Variants in UTRN observed in about 807,000 individuals in gnomAD.
The protein encoded by UTRN is dystrophin-related protein 1.
UTRN carries 283 observed loss-of-function variants against 463.9 expected under a neutral mutation model. The ratio of observed to expected loss-of-function variants is 0.61; its 90% CI spans 0.55 to 0.67. The LOEUF (loss-of-function observed/expected upper bound fraction) is 0.67, where lower values mean the gene tolerates loss of function less well. Ranked by LOEUF, UTRN falls within the 30% of genes least tolerant of loss-of-function variation. UTRN has a pLI of 0.00. For synonymous variants in UTRN, 1,442 were observed against 1,431.5 expected, an observed-to-expected ratio of 1.01 and a Z score of -0.17; for missense variants, 3,922 against 4,084.3, an observed-to-expected ratio of 0.96 and a Z score of 1.08.
chr6:144,357,035 G>A lies in UTRN; in HGVS notation c.80-46088G>A, dbSNP rs563832482. The stretch of plus-strand genomic sequence containing the variant: ...GGAGACCCATAGCCTGTTGTAGGAA[G>A]AAATGTAAGTTCTATTTTTGAGGGA... On this transcript the variant is annotated intron_variant, in intron 2 of 74. Coordinates refer to ENST00000367545, the MANE Select transcript of UTRN (RefSeq NM_007124.3). 1.1e-4 allele frequency among the ~76,000 whole-genome samples: 17 copies of A among 152,276 alleles called. No individual in the cohort carries two copies. In the East Asian group the frequency reaches 3.3e-3, roughly 29 times the overall value.
intron 51 of UTRN, among the ~76,000 whole-genome samples, chr6:144,590,448 T>A (rs1477697480): frequency 6.6e-6 from 1 of 152,174 alleles, no homozygotes; most frequent in Non-Finnish European, 1.5e-5. Context: ...TTTATCATTA[T>A]ATTTAAAAGG....
rs1452810230 is a variant in UTRN, at chr6:144,426,433, C to G, written c.552C>G (p.Ala184=). The G allele has an allele frequency of 1.2e-6, 2 of 1,613,950 alleles. No individual in the cohort carries two copies. The highest frequency in any genetic ancestry group is 2.7e-5 in the African/African-American group (2 of 74,912). The change falls in exon 7 of 75, where the codon GCC becomes GCG. Residue 184 remains alanine, a synonymous_variant. Transcript: ENST00000367545. ...NFTTSWTDGL[A]FNAVLHRHKP... ...CCACCAGCTGGACAGATGGACTCGC[C>G]TTTAATGCTGTCCTCCACCGACATA...
At chr6:144,321,658 CA>C (rs1449016461) in intron 2 of UTRN, among the ~76,000 whole-genome samples, 2 of 151,018 alleles carry the variant, frequency 1.3e-5, no homozygotes, top group Non-Finnish European at 3.0e-5. Context: ...TTAGTAGAGA[CA>C]GGGGGTTTCA....
chr6:144,503,942 C>T (rs1794462587), intron 34 of UTRN, among the ~76,000 whole-genome samples: 1 of 150,190 alleles, frequency 6.7e-6, no homozygotes, highest in South Asian at 2.1e-4. Flanking sequence ...TTGTAGTTCT[C>T]CTTGAAGAGC....
At chr6:144,514,891 C>T (rs550998780) in intron 37 of UTRN, 71 bp downstream of exon 37, 17 of 1,402,094 alleles carry the variant, frequency 1.2e-5, no homozygotes, top group Admixed American at 7.2e-5. Flanking sequence ...TCATACAGTA[C>T]ATACATCAAC....
intron 2 of UTRN, among the ~76,000 whole-genome samples, chr6:144,306,096 A>G (rs1043767519): frequency 2.0e-5 from 3 of 152,176 alleles, no homozygotes; most frequent in African/African-American, 7.2e-5. Flanking sequence ...CGTAGCTGTA[A>G]TATCAGGTTA....
intron 51 of UTRN, among the ~76,000 whole-genome samples, chr6:144,588,638 G>A (rs1248700645): frequency 2.0e-5 from 3 of 151,972 alleles, no homozygotes; most frequent in Non-Finnish European, 4.4e-5. Context: ...TAACTTAAAG[G>A]GTTGATGATT....
Position 144,499,264 on chromosome 6 carries a change from A to G in UTRN, c.4601A>G (p.Glu1534Gly), listed in dbSNP as rs745949071. The change falls in exon 34 of 75, where the codon GAA (glutamate) becomes GGA (glycine). Residue 1534 changes from glutamate (E) to glycine (G), a missense_variant. Physicochemically the swap from Glu to Gly is moderately conservative, Grantham distance 98 (BLOSUM62 -2). This residue lies in a region of UTRN where 2,349 missense variants were observed against 2,303.8 expected (regional missense o/e 1.02). Transcript: ENST00000367545. ...LYNDLGAQVT[E>G]GKQDLERASQ... is the part of the protein sequence containing the mutation. ...TGCCTCTCTCCGTCTCAGGTGACAG[A>G]AGGAAAACAGGATCTGGAAAGAGCA... The G allele has an allele frequency of 2.5e-6, 4 of 1,611,660 alleles. No individual in the cohort carries two copies. Among genetic ancestry groups the G allele is most frequent in the Admixed American group, 1.7e-5 (1 of 59,948 alleles).
In UTRN at chr6:144,531,097, C is replaced by T. The variant is rs1797019145; in HGVS notation, c.5952C>T (p.Asp1984=). Residue 1984 remains aspartate, a synonymous_variant, in exon 42 of 75, where the codon GAC becomes GAT. Coordinates refer to ENST00000367545, the MANE Select transcript of UTRN (RefSeq NM_007124.3). The part of the protein sequence containing the change: ...AMEEWRQFHC[D]LNDLTQWITE... The stretch of plus-strand genomic sequence containing the variant: ...AAGAATGGAGACAGTTCCATTGTGA[C>T]CTTAATGACCTCACACAGTGGATAA... 2 of 1,613,976 alleles carry T rather than the reference C, an allele frequency of 1.2e-6. No individual in the cohort carries two copies. Among genetic ancestry groups the T allele is most frequent in the East Asian group, 2.2e-5 (1 of 44,858 alleles).
At chr6:144,660,502 A>C (rs1158794078) in intron 51 of UTRN, among the ~76,000 whole-genome samples, 4 of 152,202 alleles carry the variant, frequency 2.6e-5, no homozygotes, top group African/African-American at 9.6e-5. Context: ...TCACTTTTAG[A>C]ATTCCACATC....
intron 25 of UTRN, among the ~76,000 whole-genome samples, chr6:144,478,123 A>G (rs1791443200): frequency 6.6e-6 from 1 of 152,212 alleles, no homozygotes; most frequent in African/African-American, 2.4e-5. Context: ...CCAAATTTTC[A>G]TTTTGCTAAA....
intron 60 of UTRN, 42 bp downstream of exon 60, chr6:144,774,406 T>G (rs765745033): frequency 4.0e-6 from 6 of 1,482,810 alleles, no homozygotes; most frequent in Non-Finnish European, 5.3e-6. Flanking sequence ...TTACTTGAAT[T>G]GCGTTTTTTT....
intron 51 of UTRN, among the ~76,000 whole-genome samples, chr6:144,619,714 T>C (rs1775141538): frequency 6.6e-6 from 1 of 152,282 alleles, no homozygotes; most frequent in South Asian, 2.1e-4. Flanking sequence ...CAAAGTTAGA[T>C]GGACAAAGTT....
chr6:144,334,038 A>G (rs1776530544), intron 2 of UTRN, among the ~76,000 whole-genome samples: 1 of 152,218 alleles, frequency 6.6e-6, no homozygotes, highest in South Asian at 2.1e-4. Flanking sequence ...CCTAAATTAA[A>G]AGAAATTATG....
At chr6:144,710,930 A>G (rs115000354) in intron 53 of UTRN, among the ~76,000 whole-genome samples, 2,095 of 152,310 alleles carry the variant, frequency 0.014, 42 homozygotes, top group African/African-American at 0.046. Context: ...CAGCACACTC[A>G]TTATTTTTTT....
chr6:144,634,423 A>T (rs1307236800), intron 51 of UTRN, among the ~76,000 whole-genome samples: 1 of 152,208 alleles, frequency 6.6e-6, no homozygotes, highest in African/African-American at 2.4e-5. Context: ...ATGTTCCCAC[A>T]GATGCATGGC....
At chr6:144,682,024 A>T (rs931350002) in intron 52 of UTRN, among the ~76,000 whole-genome samples, 2 of 152,154 alleles carry the variant, frequency 1.3e-5, no homozygotes, top group Non-Finnish European at 2.9e-5. Flanking sequence ...TAAAATGTAC[A>T]ACTAAGTTAT....
At chr6:144,322,717 T>C (rs1775737678) in intron 2 of UTRN, among the ~76,000 whole-genome samples, 1 of 152,134 alleles carries the variant, frequency 6.6e-6, no homozygotes, top group Admixed American at 6.6e-5. Flanking sequence ...GGTGGGCGGA[T>C]CACGAGGTCA....
chr6:144,772,304 C>T (rs919751878), intron 59 of UTRN, among the ~76,000 whole-genome samples: 3 of 152,048 alleles, frequency 2.0e-5, no homozygotes, highest in East Asian at 1.9e-4. Flanking sequence ...AAAGTGCTCC[C>T]GTGAGCCACT....
Sources: allele counts gnomAD v4.1 joint callset (sites outside exome capture counted in the v4.1 genomes callset), GRCh38; gene constraint gnomAD v4.1.1; regional missense constraint gnomAD v4.1.1; transcripts MANE v1.5; gene names NCBI Gene and HGNC (gene_info 2026-07-23, HGNC 2026-07-21).